Variants in KIZ observed in about 807,000 individuals in gnomAD.
KIZ encodes kizuna centrosomal protein.
A neutral mutation model predicts 79.6 loss-of-function variants in KIZ; 68 were observed. That is an observed-to-expected ratio of 0.85 (90% CI 0.70 to 1.05). The LOEUF (loss-of-function observed/expected upper bound fraction) is 1.05, where lower values mean the gene tolerates loss of function less well. KIZ is among the 50% of genes least tolerant of loss of function. KIZ has a pLI of 0.00. For missense variants in KIZ, 797 were observed against 800.4 expected, an observed-to-expected ratio of 1.00 and a Z score of 0.05; for synonymous variants, 280 against 281.8, an observed-to-expected ratio of 0.99 and a Z score of 0.06.
At chr20:21,169,795 A>G (rs781593542) in intron 6 of KIZ, among the ~76,000 whole-genome samples, 29 of 152,332 alleles carry the variant, frequency 1.9e-4, no homozygotes, top group Non-Finnish European at 3.5e-4. Flanking sequence ...TGTCTTTTCC[A>G]GAATGTCAAG....
chr20:21,157,593 T>C (rs530716354), intron 4 of KIZ, among the ~76,000 whole-genome samples: 1 of 152,368 alleles, frequency 6.6e-6, no homozygotes, highest in African/African-American at 2.4e-5. Flanking sequence ...CTACTTTTCC[T>C]GACTATGCAG....
chr20:21,129,464 G>A (rs1451895201), intron 1 of KIZ, among the ~76,000 whole-genome samples: 2 of 152,180 alleles, frequency 1.3e-5, no homozygotes, highest in African/African-American at 4.8e-5. Flanking sequence ...GCTGGGCGTG[G>A]TGGCTCACAC....
At chr20:21,234,560 G>C (rs945783377) in intron 11 of KIZ, among the ~76,000 whole-genome samples, 4 of 152,020 alleles carry the variant, frequency 2.6e-5, no homozygotes, top group Admixed American at 6.6e-5. Flanking sequence ...TGGATTCACT[G>C]AAATTTCTTA....
intron 5 of KIZ, 101 bp downstream of exon 5, chr20:21,162,608 C>T (rs2033730795): frequency 1.0e-6 from 1 of 969,580 alleles, no homozygotes; most frequent in Non-Finnish European, 1.5e-6. Flanking sequence ...AAAATAGTAT[C>T]TTTGCCAACA....
At chr20:21,241,999 C>T (rs1345716984) in intron 11 of KIZ, among the ~76,000 whole-genome samples, 6 of 152,038 alleles carry the variant, frequency 3.9e-5, no homozygotes, top group Non-Finnish European at 7.4e-5. Context: ...TGATCAAATG[C>T]CTTTAAGCAG....
At chr20:21,133,609 A>C (rs555509018) in intron 2 of KIZ, among the ~76,000 whole-genome samples, 1 of 152,218 alleles carries the variant, frequency 6.6e-6, no homozygotes, top group Admixed American at 6.5e-5. Flanking sequence ...GACAGAGGAT[A>C]TGATTTGCTA....
chr20:21,177,924 T>G (rs2034502804), intron 6 of KIZ, among the ~76,000 whole-genome samples: 1 of 152,126 alleles, frequency 6.6e-6, no homozygotes, highest in South Asian at 2.1e-4. Context: ...ATTCTGAATG[T>G]TCCATTGGTC....
chr20:21,158,683 A>G (rs2033503684), intron 4 of KIZ: 1 of 152,244 alleles, frequency 6.6e-6, no homozygotes, highest in Admixed American at 6.5e-5. Context: ...GAGAACAGCT[A>G]GAGGACTAAA....
intron 6 of KIZ, among the ~76,000 whole-genome samples, chr20:21,199,844 A>C (rs1323369577): frequency 6.6e-6 from 1 of 152,060 alleles, no homozygotes; most frequent in African/African-American, 2.4e-5. Context: ...TTTAAGACAG[A>C]ATCTTGCTCT....
chr20:21,137,534 A>G (rs745975883), intron 3 of KIZ, among the ~76,000 whole-genome samples: 6 of 150,708 alleles, frequency 4.0e-5, no homozygotes, highest in East Asian at 1.9e-4. Flanking sequence ...ATTTTCAAAT[A>G]CACAGAAGAG....
intron 4 of KIZ, among the ~76,000 whole-genome samples, chr20:21,153,419 C>T (rs962500859): frequency 2.0e-5 from 3 of 151,866 alleles, no homozygotes; most frequent in African/African-American, 7.3e-5. Flanking sequence ...ACAGAATACA[C>T]CATTAAAGCC....
rs539772144 is a variant in KIZ at position 21,173,969 on chromosome 20, A to G, written c.1352+10810A>G. On this transcript the variant is annotated intron_variant, in intron 6 of 12. Transcript: ENST00000619189. Reference sequence around the variant, plus strand: ...AAAGTGGCCCAGGGCATGACTCCACATTCAGGGTCAGGAAGATCAGAAGGA... The same window carrying G: ...AAAGTGGCCCAGGGCATGACTCCACGTTCAGGGTCAGGAAGATCAGAAGGA... Among the ~76,000 whole-genome samples, 5 of 152,326 alleles carry G rather than the reference A, an allele frequency of 3.3e-5. No homozygotes were observed. In the East Asian group the frequency reaches 9.7e-4, roughly 29 times the overall value.
chr20:21,217,786 A>G (rs1264574518), intron 9 of KIZ, among the ~76,000 whole-genome samples: 2 of 152,242 alleles, frequency 1.3e-5, no homozygotes, highest in Admixed American at 6.5e-5. Context: ...ATTCATGTGA[A>G]CATTATTAGT....
At chr20:21,199,548 C>G (rs915375836) in intron 6 of KIZ, among the ~76,000 whole-genome samples, 8 of 152,122 alleles carry the variant, frequency 5.3e-5, no homozygotes, top group African/African-American at 1.9e-4. Flanking sequence ...GTGTTTGTGA[C>G]CTTTGAGAGA....
At chr20:21,178,575 C>A (rs989490986) in intron 6 of KIZ, among the ~76,000 whole-genome samples, 2 of 151,846 alleles carry the variant, frequency 1.3e-5, no homozygotes, top group Admixed American at 1.3e-4. Context: ...CTTTTCCTTG[C>A]CTAATTATTC....
intron 11 of KIZ, among the ~76,000 whole-genome samples, chr20:21,238,193 A>G (rs2037087635): frequency 6.6e-6 from 1 of 151,604 alleles, no homozygotes; most frequent in African/African-American, 2.4e-5. Flanking sequence ...GCATGGATAT[A>G]TAGCTCCACC....
At chr20:21,233,091 A>G (rs1342699805) in intron 11 of KIZ, among the ~76,000 whole-genome samples, 1 of 152,250 alleles carries the variant, frequency 6.6e-6, no homozygotes, top group Admixed American at 6.5e-5. Flanking sequence ...TAGCGTCTAC[A>G]GCTGCTCGCA....
At chr20:21,227,727 G>A (rs916945002) in intron 9 of KIZ, among the ~76,000 whole-genome samples, 3 of 152,050 alleles carry the variant, frequency 2.0e-5, no homozygotes, top group East Asian at 1.9e-4. Flanking sequence ...AGGACAATGC[G>A]ACCAGCCTCA....
At position 21,192,154 on chromosome 20, in the gene KIZ, AT is replaced by A. The variant is rs201181612; in HGVS notation, c.1353-13334del. ...TCTGTGTCACTGGAAAACAATTGGA[AT>A]TTGAAACAAAGGTTGGCTGCCTTGC... On this transcript the variant is annotated intron_variant, in intron 6 of 12. Transcript: ENST00000619189. Among the ~76,000 whole-genome samples the A allele has an allele frequency of 6.8e-4, 104 of 152,252 alleles. 1 individual carries two copies. The East Asian group carries it at 0.019, about 28-fold the overall frequency.
Sources: gnomAD v4.1 joint callset for allele counts (sites outside exome capture counted in the v4.1 genomes callset) on GRCh38, gnomAD v4.1.1 for gene constraint, MANE v1.5 for transcripts, NCBI Gene and HGNC (gene_info 2026-07-23, HGNC 2026-07-21) for gene names.